The following NCKAP5 variants were observed in gnomAD, a reference collection of about 807,000 sequenced individuals.
NCKAP5 encodes the protein NCK associated protein 5.
Under a neutral mutation model 167.0 loss-of-function variants are expected in NCKAP5, and 92 were observed. The observed-to-expected ratio is 0.55, with a 90% confidence interval of 0.47 to 0.66. The LOEUF (loss-of-function observed/expected upper bound fraction) is 0.66. Ranked by LOEUF, NCKAP5 falls within the 30% of genes least tolerant of loss-of-function variation. NCKAP5 has a pLI of 0.00. For synonymous variants in NCKAP5, 891 were observed against 877.4 expected, an observed-to-expected ratio of 1.02 and a Z score of -0.27; for missense variants, 2,378 against 2,315.0, an observed-to-expected ratio of 1.03 and a Z score of -0.56.
intron 6 of NCKAP5, among the ~76,000 whole-genome samples, chr2:133,035,367 A>T (rs1163588152): frequency 1.3e-5 from 2 of 152,060 alleles, no homozygotes; most frequent in African/African-American, 4.8e-5. Context: ...ACAGGAAGTC[A>T]ACAAGAGAAC....
chr2:133,293,058 C>A (rs1679714891), intron 4 of NCKAP5, among the ~76,000 whole-genome samples: 1 of 152,178 alleles, frequency 6.6e-6, no homozygotes, highest in Non-Finnish European at 1.5e-5. Context: ...CTCTGGGAAG[C>A]CTTCTTTGGA....
At chr2:133,602,830 G>T in the NCKAP5 span, among the ~76,000 whole-genome samples, 270 of 152,294 alleles carry the variant, frequency 1.8e-3, no homozygotes, top group Non-Finnish European at 3.1e-3. Flanking sequence ...AGGGCCTGGT[G>T]ACTCCAGTGG....
At chr2:133,482,778 C>A (rs1680567364) in intron 3 of NCKAP5, among the ~76,000 whole-genome samples, 2 of 152,008 alleles carry the variant, frequency 1.3e-5, no homozygotes, top group African/African-American at 4.8e-5. Context: ...ATAGAGTTCC[C>A]TTTTCTCTGA....
the NCKAP5 span, among the ~76,000 whole-genome samples, chr2:133,573,774 G>A: frequency 1.3e-5 from 2 of 152,178 alleles, no homozygotes; most frequent in African/African-American, 4.8e-5. Context: ...GAGGAGGTGG[G>A]AAAAGGGAAC....
chr2:133,027,854 T>C (rs1039899006), intron 6 of NCKAP5, among the ~76,000 whole-genome samples: 20 of 152,348 alleles, frequency 1.3e-4, no homozygotes, highest in African/African-American at 4.6e-4. Context: ...AATATTTGCA[T>C]AGTATCACTT....
chr2:133,194,906 T>C (rs1267072851), intron 5 of NCKAP5, among the ~76,000 whole-genome samples: 3 of 151,386 alleles, frequency 2.0e-5, no homozygotes, highest in Non-Finnish European at 2.9e-5. Context: ...TCTAGCTCCA[T>C]TGAGTTAAAA....
the NCKAP5 span, among the ~76,000 whole-genome samples, chr2:133,581,109 C>A: frequency 8.9e-4 from 135 of 152,294 alleles, 1 homozygote; most frequent in African/African-American, 3.2e-3. Context: ...GATCTCATCA[C>A]AAATTAATCC....
At chr2:133,525,087 T>C (rs1684764012) in intron 2 of NCKAP5, among the ~76,000 whole-genome samples, 1 of 152,196 alleles carries the variant, frequency 6.6e-6, no homozygotes, top group South Asian at 2.1e-4. Context: ...AATGATGTAA[T>C]TTTCAACCAT....
chr2:133,366,079 T>C (rs1224211280), intron 3 of NCKAP5, among the ~76,000 whole-genome samples: 2 of 152,220 alleles, frequency 1.3e-5, no homozygotes, highest in African/African-American at 4.8e-5. Flanking sequence ...ATGGTTTGTC[T>C]TAAAAAGGAA....
At chr2:133,327,914 G>T (rs1379322216) in intron 3 of NCKAP5, among the ~76,000 whole-genome samples, 1 of 152,142 alleles carries the variant, frequency 6.6e-6, no homozygotes, top group Non-Finnish European at 1.5e-5. Flanking sequence ...CTGGCTGTTA[G>T]TGGGTAGGAG....
At chr2:133,184,445 T>C (rs2084859706) in intron 5 of NCKAP5, among the ~76,000 whole-genome samples, 1 of 152,180 alleles carries the variant, frequency 6.6e-6, no homozygotes, top group African/African-American at 2.4e-5. Context: ...CATGTGTCTT[T>C]TTGGTAGAAC....
chr2:132,694,915 G>T (rs575346435), intron 19 of NCKAP5, among the ~76,000 whole-genome samples: 2 of 152,274 alleles, frequency 1.3e-5, no homozygotes, highest in East Asian at 3.9e-4. Flanking sequence ...ATAAACAAGA[G>T]AAATTTATTT....
In NCKAP5 at chr2:132,963,768, C is replaced by T; in HGVS notation, c.531G>A (p.Glu177=). ...ATAGCAATTTGGTCTTTTCTTTTCC[C>T]TCATCTGTACTGCTGCTTTCACTCC... is the stretch of plus-strand genomic sequence containing the variant. ...DSRSESSSTD[E]GKEKTKLLLE... The change falls in exon 8 of 20, where the codon GAG becomes GAA. Residue 177 remains glutamate, a synonymous_variant. Transcript: ENST00000409261. 1 of 1,613,908 alleles carries T rather than the reference C, an allele frequency of 6.2e-7. No individual in the cohort carries two copies. Among genetic ancestry groups the T allele is most frequent in the Non-Finnish European group, 8.5e-7 (1 of 1,179,866 alleles).
chr2:133,216,994 A>T (rs759689095), intron 4 of NCKAP5, among the ~76,000 whole-genome samples: 5 of 152,130 alleles, frequency 3.3e-5, no homozygotes, highest in Non-Finnish European at 7.4e-5. Flanking sequence ...AAAACATTAT[A>T]ATAATGCATT....
intron 3 of NCKAP5, among the ~76,000 whole-genome samples, chr2:133,470,463 T>A (rs1025242899): frequency 7.2e-5 from 11 of 152,196 alleles, no homozygotes; most frequent in African/African-American, 2.2e-4. Flanking sequence ...GCTGTCTTTT[T>A]GTTTGTCTGT....
chr2:133,521,105 T>C (rs904838397), intron 2 of NCKAP5, among the ~76,000 whole-genome samples: 1 of 152,132 alleles, frequency 6.6e-6, no homozygotes, highest in South Asian at 2.1e-4. Context: ...ACAATGAAAA[T>C]ATCAGAAAGG....
chr2:132,883,237 C>CA lies in NCKAP5; in HGVS notation c.580-4322_580-4321insT, dbSNP rs56707659. 7.4e-5 allele frequency among the ~76,000 whole-genome samples: 11 copies of CA among 148,604 alleles called. No individual in the cohort carries two copies. The South Asian group carries it at 1.7e-3, about 23-fold the overall frequency. On this transcript the variant is annotated intron_variant, in intron 8 of 19. Transcript: ENST00000409261. ...ACACACACACACACACACACACACA[C>CA]GACACCCACCATGTCCTCTGACTCC...
rs1048470329 is a variant in NCKAP5 at position 133,254,105 on chromosome 2, G to A, written c.144-40326C>T. On this transcript the variant is annotated intron_variant, in intron 4 of 19. Transcript: ENST00000409261. Reference sequence around the variant, plus strand: ...CCAAAGATGGCCCCCAATGACCCCTGTCTCCCAATATTCATGACCTGGTGT... The same window carrying A: ...CCAAAGATGGCCCCCAATGACCCCTATCTCCCAATATTCATGACCTGGTGT... 6.6e-5 allele frequency among the ~76,000 whole-genome samples: 10 copies of A among 152,150 alleles called. 3 individuals are homozygous for A. The highest frequency in any genetic ancestry group is 6.5e-4 in the Admixed American group (10 of 15,278).
intron 3 of NCKAP5, among the ~76,000 whole-genome samples, chr2:133,408,644 CCTA>C (rs138094241): frequency 0.014 from 2,112 of 152,338 alleles, 47 homozygotes; most frequent in African/African-American, 0.048. Flanking sequence ...TCCTTTCCCT[CCTA>C]CTCCTGCTGG....
Sources: allele counts gnomAD v4.1 joint callset (sites outside exome capture counted in the v4.1 genomes callset), GRCh38; gene constraint gnomAD v4.1.1; transcripts MANE v1.5; gene names NCBI Gene and HGNC (gene_info 2026-07-23, HGNC 2026-07-21).